The following CACNA1D variants were observed in gnomAD, a reference collection of about 807,000 sequenced individuals.
The protein encoded by CACNA1D is calcium voltage-gated channel subunit alpha1 D.
In CACNA1D, 55 loss-of-function variants were observed where a neutral mutation model predicts 257.1. The ratio of observed to expected loss-of-function variants is 0.21; its 90% CI spans 0.17 to 0.27. The LOEUF (loss-of-function observed/expected upper bound fraction) is 0.27. CACNA1D is among the 10% of genes least tolerant of loss of function. The pLI is 1.00. For missense variants in CACNA1D, 1,876 were observed against 2,784.0 expected (o/e 0.67, Z 7.34); for synonymous variants, 980 against 1,014.9 (o/e 0.97, Z 0.65).
chr3:53,711,999 T>C (rs1449540895), intron 9 of CACNA1D, among the ~76,000 whole-genome samples: 1 of 152,200 alleles, frequency 6.6e-6, no homozygotes. Flanking sequence ...AAGAATGGCC[T>C]TCAGCTAAGC....
intron 4 of CACNA1D, among the ~76,000 whole-genome samples, chr3:53,653,926 A>T (rs895970181): frequency 2.0e-5 from 3 of 152,192 alleles, no homozygotes; most frequent in Non-Finnish European, 2.9e-5. Context: ...AAAGATAAGG[A>T]GAAAACCTTA....
chr3:53,705,220 C>T (rs1037257713), intron 9 of CACNA1D, among the ~76,000 whole-genome samples: 5 of 151,742 alleles, frequency 3.3e-5, no homozygotes, highest in African/African-American at 4.8e-5. Flanking sequence ...CAGGCTGGGG[C>T]GATGTGAGGA....
intron 3 of CACNA1D, among the ~76,000 whole-genome samples, chr3:53,632,045 C>T (rs529712724): frequency 6.6e-6 from 1 of 152,338 alleles, no homozygotes; most frequent in African/African-American, 2.4e-5. Flanking sequence ...GCATTAGCCC[C>T]TAACAAGAGA....
intron 3 of CACNA1D, among the ~76,000 whole-genome samples, chr3:53,615,573 A>G (rs2093628256): frequency 6.6e-6 from 1 of 152,200 alleles, no homozygotes; most frequent in Non-Finnish European, 1.5e-5. Flanking sequence ...CAAGATCTCC[A>G]AACCAGTGGG....
At chr3:53,632,243 T>C (rs2093829402) in intron 3 of CACNA1D, among the ~76,000 whole-genome samples, 1 of 152,256 alleles carries the variant, frequency 6.6e-6, no homozygotes, top group South Asian at 2.1e-4. Context: ...CACTTACTGC[T>C]TCACCTTGTA....
chr3:53,719,922 T>A lies in CACNA1D; in HGVS notation c.1505+141T>A, dbSNP rs1339965361. 5.9e-6 allele frequency: 5 copies of A among 842,468 alleles called. No individual in the cohort carries two copies. In the African/African-American group the frequency reaches 8.3e-5, roughly 14 times the overall value. The allele number at this position is 842,468 out of a possible 1,614,324, so 52.2% of individuals were successfully genotyped here. A position where few individuals can be genotyped will look rare whatever the true frequency, so the allele number is the denominator to read the frequency against. On this transcript the variant is annotated intron_variant, in intron 11 of 47. Transcript: ENST00000350061. The stretch of plus-strand genomic sequence containing the variant: ...TTGATACTGAATTGCAGTCAGTCAA[T>A]TGAATCCTATGAGCCTGGCTTAGGG...
At chr3:53,707,381 G>A (rs1242712825) in intron 9 of CACNA1D, among the ~76,000 whole-genome samples, 11 of 152,090 alleles carry the variant, frequency 7.2e-5, no homozygotes, top group African/African-American at 2.2e-4. Context: ...TGCTATCAGT[G>A]GCTGAATATC....
intron 3 of CACNA1D, among the ~76,000 whole-genome samples, chr3:53,517,656 G>A (rs1324593800): frequency 6.6e-6 from 1 of 151,940 alleles, no homozygotes; most frequent in Non-Finnish European, 1.5e-5. Flanking sequence ...GCTAATTTTT[G>A]TATTTTTAGT....
intron 3 of CACNA1D, among the ~76,000 whole-genome samples, chr3:53,600,532 A>G (rs1357733599): frequency 6.6e-6 from 1 of 152,244 alleles, no homozygotes; most frequent in Non-Finnish European, 1.5e-5. Context: ...TAATGTGCCC[A>G]AAGACGTGCA....
In CACNA1D at chr3:53,810,773, A is replaced by C. The variant is rs564652131; in HGVS notation, c.6193-340A>C. Among the ~76,000 whole-genome samples the C allele has an allele frequency of 1.7e-3, 249 of 149,438 alleles. 8 individuals carry two copies. The highest frequency in any genetic ancestry group is 6.2e-3 in the East Asian group (32 of 5,146). On this transcript the variant is annotated intron_variant, in intron 47 of 47. Transcript: ENST00000350061. ...ACTCTTGTCTCAAAAAAAAAAAAAA[A>C]AAAAAAAAAAAAACAAAAACTGGTC...
At chr3:53,742,045 A>G (rs968339727) in intron 21 of CACNA1D, among the ~76,000 whole-genome samples, 4 of 152,196 alleles carry the variant, frequency 2.6e-5, no homozygotes, top group African/African-American at 4.8e-5. Flanking sequence ...GGATTCAGAA[A>G]ATGGAGACTC....
At chr3:53,653,720 CATAT>C (rs3082748) in intron 4 of CACNA1D, among the ~76,000 whole-genome samples, 1 of 150,784 alleles carries the variant, frequency 6.6e-6, no homozygotes, top group African/African-American at 2.4e-5. Context: ...AGTGGTCTAA[CATAT>C]ATATATATTT....
chr3:53,697,555 A>G (rs2094583676), intron 8 of CACNA1D, among the ~76,000 whole-genome samples: 1 of 151,640 alleles, frequency 6.6e-6, no homozygotes, highest in Non-Finnish European at 1.5e-5. Context: ...TAAGCATTCA[A>G]ATTTTTTTCT....
intron 26 of CACNA1D, 39 bp downstream of exon 26, chr3:53,747,487 T>G: frequency 6.2e-7 from 1 of 1,608,558 alleles, no homozygotes; most frequent in Non-Finnish European, 8.5e-7. Context: ...GAGAGGCACC[T>G]GCGTGCCCAG....
chr3:53,538,141 G>GTTTTTTTTTTTTTTTTTTTTTTTTT (rs538996336), intron 3 of CACNA1D, among the ~76,000 whole-genome samples: 5 of 90,478 alleles, frequency 5.5e-5, no homozygotes, highest in African/African-American at 1.2e-4. Context: ...AGTTTTTGAA[G>GTTTTTTTTTTTTTTTTTTTTTTTTT]TTTTTTTTTT....
chr3:53,569,027 T>C (rs550581049), intron 3 of CACNA1D, among the ~76,000 whole-genome samples: 2 of 152,288 alleles, frequency 1.3e-5, no homozygotes, highest in East Asian at 3.9e-4. Context: ...TCTCATCTTC[T>C]CATGGCTCCC....
chr3:53,501,251 G>C (rs2090588494), intron 2 of CACNA1D, among the ~76,000 whole-genome samples: 1 of 152,196 alleles, frequency 6.6e-6, no homozygotes, highest in Non-Finnish European at 1.5e-5. Context: ...CCACAGCCGG[G>C]AACTTAGTAA....
chr3:53,651,361 A>ATTTTATTT (rs1576235107), intron 4 of CACNA1D, among the ~76,000 whole-genome samples: 1 of 57,168 alleles, frequency 1.7e-5, no homozygotes, highest in African/African-American at 7.9e-5. Context: ...AAAGCTATTA[A>ATTTTATTT]TTTTCTTTTT....
chr3:53,576,381 G>C (rs1220077716), intron 3 of CACNA1D, among the ~76,000 whole-genome samples: 1 of 152,192 alleles, frequency 6.6e-6, no homozygotes, highest in Non-Finnish European at 1.5e-5. Flanking sequence ...ATAAAGTTCA[G>C]TCCGTGGATG....
Sources: gnomAD v4.1 joint callset for allele counts (sites outside exome capture counted in the v4.1 genomes callset) on GRCh38, gnomAD v4.1.1 for gene constraint, MANE v1.5 for transcripts, NCBI Gene and HGNC (gene_info 2026-07-23, HGNC 2026-07-21) for gene names.